SHTN1: variants seen among roughly 807,000 people sequenced by gnomAD.
The protein encoded by SHTN1 is shootin 1, also known as shootin-1.
A neutral mutation model predicts 83.1 loss-of-function variants in SHTN1; 42 were observed. That is an observed-to-expected ratio of 0.51 (90% CI 0.39 to 0.65). SHTN1 has a LOEUF of 0.65. SHTN1 is among the 30% of genes least tolerant of loss of function. The pLI is 0.00. For missense variants in SHTN1, 622 were observed against 737.8 expected (o/e 0.84, Z 1.82); for synonymous variants, 224 against 247.7 (o/e 0.90, Z 0.90).
At position 117,012,280 on chromosome 10, in the gene SHTN1, A is replaced by G. The variant is rs573987151; in HGVS notation, c.-122-32972T>C. Among the ~76,000 whole-genome samples the G allele has an allele frequency of 2.0e-5, 3 of 152,296 alleles. No homozygotes were observed. The South Asian group carries it at 6.2e-4, about 32-fold the overall frequency. ...AAAATGTATTATGGAAAGGCAAAAA[A>G]CAAAACAAAACAAAAACTAGAATAG... On this transcript the variant is annotated intron_variant, in intron 2 of 17. Transcript: ENST00000392901.
intron 16 of SHTN1, among the ~76,000 whole-genome samples, chr10:116,890,795 G>T: frequency 6.6e-6 from 1 of 152,214 alleles, no homozygotes; most frequent in East Asian, 1.9e-4. Context: ...AACCATACTG[G>T]TACCAGAAGA....
chr10:117,026,811 C>A (rs1162331079), intron 2 of SHTN1, among the ~76,000 whole-genome samples: 1 of 152,218 alleles, frequency 6.6e-6, no homozygotes, highest in Non-Finnish European at 1.5e-5. Flanking sequence ...GGAGAACTCA[C>A]CATCCTGAAG....
chr10:117,087,378 A>C (rs1362609993), intron 1 of SHTN1, among the ~76,000 whole-genome samples: 1 of 152,236 alleles, frequency 6.6e-6, no homozygotes, highest in East Asian at 1.9e-4. Context: ...TAATAATTAA[A>C]GACACCATGG....
chr10:117,100,318 T>G (rs1487162695), intron 1 of SHTN1, among the ~76,000 whole-genome samples: 1 of 152,232 alleles, frequency 6.6e-6, no homozygotes, highest in Non-Finnish European at 1.5e-5. Context: ...CATGATGTGT[T>G]TTCTGTGGCT....
At chr10:116,915,327 A>T in intron 13 of SHTN1, 48 bp downstream of exon 13, 1 of 1,016,500 alleles carries the variant, frequency 9.8e-7, no homozygotes, top group South Asian at 1.3e-5. Context: ...TTATACATTT[A>T]AAAAAGGAAA....
intron 6 of SHTN1, among the ~76,000 whole-genome samples, chr10:116,949,562 G>GC (rs1163494424): frequency 6.6e-6 from 1 of 152,152 alleles, no homozygotes; most frequent in Admixed American, 6.5e-5. Flanking sequence ...TATACCTAAT[G>GC]TAAATGACAA....
chr10:117,034,152 T>A (rs1852460901), intron 2 of SHTN1, among the ~76,000 whole-genome samples: 1 of 152,110 alleles, frequency 6.6e-6, no homozygotes, highest in Non-Finnish European at 1.5e-5. Flanking sequence ...TCCACCACTA[T>A]TATTCAACAT....
chr10:116,985,035 T>G (rs994095280), intron 1 of SHTN1, among the ~76,000 whole-genome samples: 6 of 152,240 alleles, frequency 3.9e-5, no homozygotes, highest in African/African-American at 1.4e-4. Context: ...CTTCCCCATA[T>G]ACTTCATGCA....
intron 1 of SHTN1, among the ~76,000 whole-genome samples, chr10:116,983,664 AT>A (rs1487432403): frequency 1.0e-4 from 9 of 85,938 alleles, no homozygotes; most frequent in African/African-American, 3.1e-4. Flanking sequence ...AGATAGATAG[AT>A]AGATAGATAG....
rs556311387 is a variant in SHTN1, at chr10:117,113,803, T to A, written c.-189+12504A>T. On this transcript the variant is annotated intron_variant, in intron 1 of 17. Transcript: ENST00000392901. ...GATCATGCCTGTAATCCCAGCACTC[T>A]GGGAGGCTGAGGCAGGTGGATCATC... Among the ~76,000 whole-genome samples, 71 of 152,218 alleles carry A rather than the reference T, an allele frequency of 4.7e-4. 1 individual carries two copies. In the South Asian group the frequency reaches 0.015, roughly 31 times the overall value.
intron 12 of SHTN1, among the ~76,000 whole-genome samples, chr10:116,919,001 T>C (rs1404867739): frequency 6.6e-6 from 1 of 152,204 alleles, no homozygotes; most frequent in Non-Finnish European, 1.5e-5. Context: ...ATGAAGTTTT[T>C]AGAGCCATAA....
At chr10:117,079,831 T>C (rs1308227159) in intron 1 of SHTN1, among the ~76,000 whole-genome samples, 2 of 148,644 alleles carry the variant, frequency 1.3e-5, no homozygotes, top group Non-Finnish European at 3.0e-5. Context: ...TGCATAAATG[T>C]CTTCTTTTGA....
At chr10:117,099,040 A>ACACACACACG (rs1399330609) in intron 1 of SHTN1, among the ~76,000 whole-genome samples, 1 of 151,244 alleles carries the variant, frequency 6.6e-6, no homozygotes, top group Non-Finnish European at 1.5e-5. Flanking sequence ...ACACACACAC[A>ACACACACACG]CACACCATAA....
At chr10:117,070,670 C>T (rs967072039) in intron 1 of SHTN1, among the ~76,000 whole-genome samples, 6 of 151,250 alleles carry the variant, frequency 4.0e-5, no homozygotes, top group East Asian at 2.0e-4. Flanking sequence ...CTTGAGATCA[C>T]GCCTGACTTG....
At chr10:116,981,727 C>T (rs1052784622) in intron 1 of SHTN1, among the ~76,000 whole-genome samples, 10 of 152,266 alleles carry the variant, frequency 6.6e-5, no homozygotes, top group African/African-American at 2.2e-4. Flanking sequence ...TGGTGACCTA[C>T]TTTACAGACA....
intron 1 of SHTN1, among the ~76,000 whole-genome samples, chr10:117,065,956 C>T (rs1225042817): frequency 6.7e-6 from 1 of 148,438 alleles, no homozygotes; most frequent in Non-Finnish European, 1.5e-5. Flanking sequence ...GTGGTCCCAA[C>T]AGTTTGGAAG....
At chr10:116,984,781 G>C (rs1219487486) in intron 1 of SHTN1, among the ~76,000 whole-genome samples, 3 of 152,126 alleles carry the variant, frequency 2.0e-5, no homozygotes, top group African/African-American at 7.2e-5. Flanking sequence ...AAGCAAGCTG[G>C]TTATTTCATG....
At chr10:117,081,090 A>G (rs1211340644) in intron 1 of SHTN1, among the ~76,000 whole-genome samples, 6 of 151,240 alleles carry the variant, frequency 4.0e-5, no homozygotes, top group African/African-American at 1.2e-4. Flanking sequence ...GAGTGGTGAG[A>G]GAGGGCATCC....
intron 1 of SHTN1, among the ~76,000 whole-genome samples, chr10:117,117,722 C>T (rs1459369929): frequency 6.6e-6 from 1 of 152,052 alleles, no homozygotes; most frequent in Non-Finnish European, 1.5e-5. Context: ...GAATAAAGAA[C>T]CAAATTATAA....
Sources: allele counts gnomAD v4.1 joint callset (sites outside exome capture counted in the v4.1 genomes callset), GRCh38; gene constraint gnomAD v4.1.1; transcripts MANE v1.5; gene names NCBI Gene and HGNC (gene_info 2026-07-23, HGNC 2026-07-21).